The following PTPRF variants were observed in gnomAD, a reference collection of about 807,000 sequenced individuals.
The protein encoded by PTPRF is protein tyrosine phosphatase receptor type F.
In PTPRF, 59 loss-of-function variants were observed where a neutral mutation model predicts 201.8. The ratio of observed to expected loss-of-function variants is 0.29; its 90% CI spans 0.24 to 0.36. PTPRF has a LOEUF of 0.36. Among genes scored for constraint, PTPRF ranks in the 10% least tolerant of loss-of-function variants. PTPRF has a pLI of 1.00. For synonymous variants in PTPRF, 1,088 were observed against 1,089.7 expected, an observed-to-expected ratio of 1.00 and a Z score of 0.03; for missense variants, 2,132 against 2,690.5, an observed-to-expected ratio of 0.79 and a Z score of 4.59.
At chr1:43,586,481 G>T (rs1649178430) in intron 7 of PTPRF, among the ~76,000 whole-genome samples, 1 of 152,218 alleles carries the variant, frequency 6.6e-6, no homozygotes, top group Admixed American at 6.5e-5. Context: ...TTGTTGCCAT[G>T]AGACACTTGC....
At chr1:43,530,298 T>C (rs1643327077), upstream of PTPRF, among the ~76,000 whole-genome samples, 1 of 151,998 alleles carries the variant, frequency 6.6e-6, no homozygotes, top group Non-Finnish European at 1.5e-5. The surrounding 1 kb of genome is among the most constrained non-coding windows in gnomAD (Gnocchi z 4.1). Flanking sequence ...CTGGGGTCCA[T>C]AGCAAGGTAG....
At chr1:43,539,976 G>A (rs1234572053) in intron 2 of PTPRF, among the ~76,000 whole-genome samples, 1 of 152,202 alleles carries the variant, frequency 6.6e-6, no homozygotes, top group Non-Finnish European at 1.5e-5. Context: ...CAAGGCCCAG[G>A]GTGCCCACAG....
At chr1:43,533,929 A>G (rs2153950902) in intron 1 of PTPRF, among the ~76,000 whole-genome samples, 2 of 152,272 alleles carry the variant, frequency 1.3e-5, no homozygotes, top group Middle Eastern at 6.8e-3. Context: ...TATGTAGAAG[A>G]GGCAGCCCAC....
chr1:43,606,363 A>G lies in PTPRF; in HGVS notation c.3607A>G (p.Lys1203Glu). 6.2e-7 allele frequency: 1 copy of G among 1,614,176 alleles called. No individual in the cohort carries two copies. The highest frequency in any genetic ancestry group is 8.5e-7 in the Non-Finnish European group (1 of 1,180,010). ...VLPETFTLGD[K>E]KNYRGFYNRP... ...CCCGGAGACCTTTACCTTGGGGGAC[A>G]AGAAGAACTACCGGGGCTTCTACAA... Residue 1203 changes from lysine (K) to glutamate (E), a missense_variant, in exon 20 of 34, where the codon AAG becomes GAG. Coordinates refer to ENST00000359947, the MANE Select transcript of PTPRF (RefSeq NM_002840.5).
chr1:43,615,444 T>A (rs1332988326), intron 23 of PTPRF, among the ~76,000 whole-genome samples: 1 of 150,618 alleles, frequency 6.6e-6, no homozygotes, highest in Non-Finnish European at 1.5e-5. Flanking sequence ...GCTTCCCTCC[T>A]CTGATCAGAG....
chr1:43,620,420 A>C (rs1027637335), intron 30 of PTPRF, 34 bp from the exon 31 acceptor site: 3 of 1,587,162 alleles, frequency 1.9e-6, no homozygotes, highest in African/African-American at 2.7e-5. Context: ...ATTCCTTCTC[A>C]CCTGATTATG....
Position 43,604,987 on chromosome 1 carries a change from C to T in PTPRF, c.3122C>T (p.Ala1041Val), listed in dbSNP as rs1169040424. 4 of 1,614,096 alleles carry T rather than the reference C, an allele frequency of 2.5e-6. No individual in the cohort carries two copies. In the East Asian group the frequency reaches 8.9e-5, roughly 36 times the overall value. ...SWEVPDSYKS[A>V]VPFKILYNGQ... ...GAGGTTCCCGACTCCTATAAGTCAGCTGTGCCCTTTAAGGTGAGTAAGGGC... is the reference window on the plus strand; with the variant it reads ...GAGGTTCCCGACTCCTATAAGTCAGTTGTGCCCTTTAAGGTGAGTAAGGGC... The change falls in exon 17 of 34, where the codon GCT (alanine) becomes GTT (valine). Residue 1041 changes from alanine to valine, a missense_variant. Physicochemically the swap from Ala to Val is moderately conservative, Grantham distance 64. Coordinates refer to ENST00000359947, the MANE Select transcript of PTPRF (RefSeq NM_002840.5).
At chr1:43,621,019 G>A (rs775688976) in intron 32 of PTPRF, 27 bp downstream of exon 32, 6 of 1,610,560 alleles carry the variant, frequency 3.7e-6, no homozygotes, top group East Asian at 2.2e-5. Context: ...GGAGGGCTGG[G>A]GTGGGTGGGC....
intron 10 of PTPRF, 143 bp from the exon 11 acceptor site, chr1:43,592,314 G>A: frequency 9.5e-7 from 1 of 1,053,314 alleles, no homozygotes; most frequent in Non-Finnish European, 1.4e-6. Flanking sequence ...AGTTCCTTTT[G>A]TGCTCCATGT....
intron 3 of PTPRF, among the ~76,000 whole-genome samples, chr1:43,549,680 C>T (rs1644895511): frequency 6.6e-6 from 1 of 152,056 alleles, no homozygotes; most frequent in Admixed American, 6.5e-5. Context: ...GTGGTGAAAC[C>T]CTGTCTTTAC....
chr1:43,605,122 C>T (rs1654758748), intron 17 of PTPRF, 68 bp from the exon 18 acceptor site: 2 of 1,575,968 alleles, frequency 1.3e-6, no homozygotes, highest in Non-Finnish European at 1.7e-6. Context: ...TATCCGTGCA[C>T]TGTGCCTTGC....
At chr1:43,568,067 G>A (rs1028480457) in intron 5 of PTPRF, among the ~76,000 whole-genome samples, 5 of 152,030 alleles carry the variant, frequency 3.3e-5, no homozygotes, top group African/African-American at 4.8e-5. Flanking sequence ...AGGCCGAGGC[G>A]GGTAGATCAC....
At chr1:43,539,738 G>A (rs1644246579) in intron 2 of PTPRF, among the ~76,000 whole-genome samples, 1 of 152,160 alleles carries the variant, frequency 6.6e-6, no homozygotes, top group African/African-American at 2.4e-5. Flanking sequence ...GACCTAACTC[G>A]AAGTCCAGTC....
rs1377317875 is a variant in PTPRF, at chr1:43,562,994, A to G, written c.380-6596A>G. Among the ~76,000 whole-genome samples, 5 of 151,720 alleles carry G rather than the reference A, an allele frequency of 3.3e-5. No individual in the cohort carries two copies. The East Asian group carries it at 7.9e-4, about 24-fold the overall frequency. On this transcript the variant is annotated intron_variant, in intron 5 of 33. Transcript: ENST00000359947. The stretch of plus-strand genomic sequence containing the variant: ...GGAGTTCGAGACCAGCCTGGCCAAC[A>G]TAGTGAAACCCCGTCTCTACTAAAA...
In PTPRF at chr1:43,592,955, C is replaced by T. The variant is rs1009148374; in HGVS notation, c.1813+354C>T. On this transcript the variant is annotated intron_variant, in intron 11 of 33. Coordinates refer to ENST00000359947, the MANE Select transcript of PTPRF (RefSeq NM_002840.5). The stretch of plus-strand genomic sequence containing the variant: ...GATGGGCCATCCTCGGTGGGTCTGC[C>T]ATGTCCCAGACCTGCTTTGGCGGCT... Among the ~76,000 whole-genome samples, 41 of 152,118 alleles carry T rather than the reference C, an allele frequency of 2.7e-4. 1 individual carries two copies. The highest frequency in any genetic ancestry group is 9.9e-4 in the African/African-American group (41 of 41,402).
chr1:43,569,630 G>A lies in PTPRF; in HGVS notation c.420G>A (p.Gly140=). ...CTGGGTTCCCTTCCATCGACATGGG[G>A]CCTCAGCTGAAGGTGGTGGAGAAGG... ...LPPGFPSIDM[G]PQLKVVEKAR... Residue 140 remains glycine, a synonymous_variant, in exon 6 of 34, where the codon GGG becomes GGA. Transcript: ENST00000359947. 6.2e-7 allele frequency: 1 copy of A among 1,612,802 alleles called. No individual in the cohort carries two copies. The highest frequency in any genetic ancestry group is 8.5e-7 in the Non-Finnish European group (1 of 1,179,092).
chr1:43,567,044 C>T (rs912804938), intron 5 of PTPRF, among the ~76,000 whole-genome samples: 3 of 152,190 alleles, frequency 2.0e-5, no homozygotes, highest in African/African-American at 7.2e-5. Context: ...CTTCCCTTCC[C>T]TTCCCTATCT....
Position 43,609,519 on chromosome 1 carries a change from G to A in PTPRF, c.3973+21G>A, listed in dbSNP as rs200113454. On this transcript the variant is annotated intron_variant, in intron 22 of 33. Coordinates refer to ENST00000359947, the MANE Select transcript of PTPRF (RefSeq NM_002840.5). ...CCCAGGTAGGGCACTCCTATGGCCT[G>A]TGTGCCCCCAGCCCAGACCTAGCAG... is the stretch of plus-strand genomic sequence containing the variant. 8.2e-6 allele frequency: 13 copies of A among 1,594,158 alleles called. No homozygotes were observed. The African/African-American group carries it at 1.1e-4, about 13-fold the overall frequency.
Position 43,606,739 on chromosome 1 carries a change from C to G in PTPRF, c.3703-75C>G, listed in dbSNP as rs555440000. On this transcript the variant is annotated intron_variant, in intron 20 of 33. Transcript: ENST00000359947. ...GGGTAACCCAGACCCAGAGCCCTTT[C>G]TCCAGGATTAATAGGCAGAGGGTGG... The G allele has an allele frequency of 1.3e-5, 20 of 1,563,176 alleles. No individual in the cohort carries two copies. In the African/African-American group the frequency reaches 2.3e-4, roughly 18 times the overall value.
Sources: allele counts gnomAD v4.1 joint callset (sites outside exome capture counted in the v4.1 genomes callset), GRCh38; gene constraint gnomAD v4.1.1; non-coding constraint Gnocchi (gnomAD v3.1); transcripts MANE v1.5; gene names NCBI Gene and HGNC (gene_info 2026-07-23, HGNC 2026-07-21).